Variants in HS3ST4 observed in about 807,000 individuals in gnomAD.
HS3ST4 encodes the protein heparan sulfate glucosamine 3-O-sulfotransferase 4.
In HS3ST4, 17 loss-of-function variants were observed where a neutral mutation model predicts 29.2. The ratio of observed to expected loss-of-function variants is 0.58; its 90% CI spans 0.40 to 0.87. The LOEUF is 0.87. Among genes scored for constraint, HS3ST4 ranks in the 40% least tolerant of loss-of-function variants. The probability of loss-of-function intolerance (pLI) is 0.00; values close to 1 mark genes in which losing one functional copy is unlikely to be tolerated. For synonymous variants in HS3ST4, 314 were observed against 285.7 expected (o/e 1.10, Z -1.00); for missense variants, 627 against 634.5 (o/e 0.99, Z 0.13).
intron 1 of HS3ST4, among the ~76,000 whole-genome samples, chr16:26,123,938 CTT>C (rs35745665): frequency 4.8e-5 from 7 of 146,206 alleles, no homozygotes; most frequent in Middle Eastern, 3.5e-3. Context: ...TGTTTTGAGA[CTT>C]TTTTTTTTTT....
At chr16:25,809,551 A>G (rs1567244600) in intron 1 of HS3ST4, among the ~76,000 whole-genome samples, 1 of 152,108 alleles carries the variant, frequency 6.6e-6, no homozygotes, top group Admixed American at 6.5e-5. Context: ...CTCCTCTTCT[A>G]TATTTGGGAA....
chr16:25,779,848 G>A (rs1027306291), intron 1 of HS3ST4, among the ~76,000 whole-genome samples: 1 of 152,202 alleles, frequency 6.6e-6, no homozygotes, highest in East Asian at 1.9e-4. Flanking sequence ...ATTCCTGATG[G>A]ATGAGAGGAA....
At position 26,126,013 on chromosome 16, in the gene HS3ST4, T is replaced by C. The variant is rs145801954; in HGVS notation, c.735-9599T>C. ...TAGGTTTTAAGAAAGATTCTTATGT[T>C]CTAACTCAAATTAAACCTGGCTTGA... is the stretch of plus-strand genomic sequence containing the variant. On this transcript the variant is annotated intron_variant, in intron 1 of 1. Coordinates refer to ENST00000331351, the MANE Select transcript of HS3ST4 (RefSeq NM_006040.3). 8.5e-3 allele frequency among the ~76,000 whole-genome samples: 1,293 copies of C among 152,342 alleles called. 18 individuals are homozygous for C. The highest frequency in any genetic ancestry group is 0.03 in the African/African-American group (1,227 of 41,574).
intron 1 of HS3ST4, among the ~76,000 whole-genome samples, chr16:25,956,530 T>G (rs185287387): frequency 6.6e-6 from 1 of 152,290 alleles, no homozygotes; most frequent in Non-Finnish European, 1.5e-5. Flanking sequence ...TACTCCTATT[T>G]CCAGTGATAT....
intron 1 of HS3ST4, among the ~76,000 whole-genome samples, chr16:25,816,337 A>G (rs8047773): frequency 0.29 from 43,933 of 151,986 alleles, 6,729 homozygotes; most frequent in African/African-American, 0.36. Flanking sequence ...TCATCTCATC[A>G]CTTCCGAAAG....
intron 1 of HS3ST4, among the ~76,000 whole-genome samples, chr16:25,770,666 C>T (rs534362032): frequency 4.2e-3 from 637 of 152,304 alleles, no homozygotes; most frequent in Non-Finnish European, 7.0e-3. Flanking sequence ...TGGAGCTGTA[C>T]GGCCTGAATG....
intron 1 of HS3ST4, among the ~76,000 whole-genome samples, chr16:25,872,006 C>T (rs1967759105): frequency 1.3e-5 from 2 of 152,094 alleles, no homozygotes; most frequent in South Asian, 4.1e-4. Context: ...TTGCCCTAAC[C>T]TAATTCCAGC....
At chr16:26,066,498 TC>T (rs892725821) in intron 1 of HS3ST4, among the ~76,000 whole-genome samples, 1 of 152,184 alleles carries the variant, frequency 6.6e-6, no homozygotes, top group African/African-American at 2.4e-5. Flanking sequence ...TTTAATCTGT[TC>T]CCCGTTCAGT....
intron 1 of HS3ST4, among the ~76,000 whole-genome samples, chr16:25,862,551 A>G (rs960704696): frequency 6.6e-6 from 1 of 152,206 alleles, no homozygotes; most frequent in Non-Finnish European, 1.5e-5. Flanking sequence ...CAGGCCAGTA[A>G]TGCTCGCTCG....
rs565389465 is a variant in HS3ST4, at chr16:26,092,348, T to A, written c.735-43264T>A. On this transcript the variant is annotated intron_variant, in intron 1 of 1. Coordinates refer to ENST00000331351, the MANE Select transcript of HS3ST4 (RefSeq NM_006040.3). Reference sequence around the variant, plus strand: ...TTGACCAAAGAGAAACATGAGGATGTCACTAAGATACCTGCCCCAGGCAAG... The same window carrying A: ...TTGACCAAAGAGAAACATGAGGATGACACTAAGATACCTGCCCCAGGCAAG... Among the ~76,000 whole-genome samples, 12 of 152,270 alleles carry A rather than the reference T, an allele frequency of 7.9e-5. No homozygotes were observed. In the South Asian group the frequency reaches 2.5e-3, roughly 32 times the overall value.
intron 1 of HS3ST4, among the ~76,000 whole-genome samples, chr16:26,002,655 AAG>A (rs1179455159): frequency 1.4e-5 from 2 of 147,098 alleles, no homozygotes; most frequent in Non-Finnish European, 3.0e-5. Flanking sequence ...AAAGGGAAGA[AAG>A]AGAGAGAGGG....
intron 1 of HS3ST4, among the ~76,000 whole-genome samples, chr16:25,943,837 GA>G (rs1449576199): frequency 6.6e-6 from 1 of 152,080 alleles, no homozygotes; most frequent in African/African-American, 2.4e-5. Flanking sequence ...GACTGGGTGA[GA>G]CCTATGATGG....
chr16:25,981,386 T>C (rs1290504713), intron 1 of HS3ST4, among the ~76,000 whole-genome samples: 1 of 151,686 alleles, frequency 6.6e-6, no homozygotes, highest in African/African-American at 2.4e-5. Context: ...TTGGAATTGG[T>C]TGGTTTCCAT....
chr16:25,789,467 C>CTTCT (rs1181152183), intron 1 of HS3ST4, among the ~76,000 whole-genome samples: 4,247 of 28,976 alleles, frequency 0.15, 565 homozygotes, highest in East Asian at 0.26. Flanking sequence ...TCCTTCCTTC[C>CTTCT]TTCTTTCTTT....
chr16:25,764,724 G>A (rs1966807317), intron 1 of HS3ST4, among the ~76,000 whole-genome samples: 1 of 152,222 alleles, frequency 6.6e-6, no homozygotes, highest in Non-Finnish European at 1.5e-5. Context: ...AAAATGAAGG[G>A]AGAATAATGT....
At chr16:25,982,004 G>C (rs1969010179) in intron 1 of HS3ST4, among the ~76,000 whole-genome samples, 2 of 150,802 alleles carry the variant, frequency 1.3e-5, no homozygotes, top group Admixed American at 6.7e-5. Context: ...GTGTGCAGCA[G>C]CATGTGTGTG....
chr16:26,042,124 G>GC (rs1284069540), intron 1 of HS3ST4, among the ~76,000 whole-genome samples: 4 of 152,036 alleles, frequency 2.6e-5, no homozygotes, highest in Non-Finnish European at 5.9e-5. Context: ...GGCATTCTGT[G>GC]CCCCCCGCCT....
At chr16:25,734,752 G>A (rs750626286) in intron 1 of HS3ST4, among the ~76,000 whole-genome samples, 2 of 152,170 alleles carry the variant, frequency 1.3e-5, no homozygotes, top group African/African-American at 2.4e-5. Context: ...GTGTGACACA[G>A]ATGTATTCCA....
chr16:25,752,416 T>G (rs544899629), intron 1 of HS3ST4, among the ~76,000 whole-genome samples: 4 of 152,202 alleles, frequency 2.6e-5, no homozygotes, highest in Admixed American at 2.6e-4. Context: ...GAGGGAAAAT[T>G]TTAGTAATTA....
Sources: gnomAD v4.1 joint callset for allele counts (sites outside exome capture counted in the v4.1 genomes callset) on GRCh38, gnomAD v4.1.1 for gene constraint, MANE v1.5 for transcripts, NCBI Gene and HGNC (gene_info 2026-07-23, HGNC 2026-07-21) for gene names.